ADAMTSL3: variants seen among roughly 807,000 people sequenced by gnomAD.
ADAMTSL3 encodes the protein ADAMTS-like protein 3.
A neutral mutation model predicts 201.7 loss-of-function variants in ADAMTSL3; 128 were observed. The ratio of observed to expected loss-of-function variants is 0.63; its 90% confidence interval spans 0.55 to 0.73. The LOEUF (loss-of-function observed/expected upper bound fraction) is 0.73, where lower values mean the gene tolerates loss of function less well. Ranked by LOEUF, ADAMTSL3 falls within the 30% of genes least tolerant of loss-of-function variation. The pLI is 0.00. For synonymous variants in ADAMTSL3, 738 were observed against 748.4 expected (o/e 0.99, Z 0.23); for missense variants, 1,990 against 2,119.6 (o/e 0.94, Z 1.20).
chr15:83,841,233 T>C (rs1470094253), intron 7 of ADAMTSL3, among the ~76,000 whole-genome samples: 1 of 152,264 alleles, frequency 6.6e-6, no homozygotes, highest in Non-Finnish European at 1.5e-5. Flanking sequence ...TATCATTTAA[T>C]TCTACCAGCA....
At chr15:83,960,031 A>G (rs1204662219) in intron 19 of ADAMTSL3, among the ~76,000 whole-genome samples, 2 of 152,228 alleles carry the variant, frequency 1.3e-5, no homozygotes, top group African/African-American at 4.8e-5. Flanking sequence ...AAAAGCTGAC[A>G]TTCATTTTTA....
At chr15:84,032,873 G>A (rs750391706) in intron 28 of ADAMTSL3, among the ~76,000 whole-genome samples, 2 of 152,146 alleles carry the variant, frequency 1.3e-5, no homozygotes, top group Admixed American at 6.5e-5. Flanking sequence ...TAATGGAATT[G>A]AATTGGTAGG....
At chr15:83,887,383 T>A (rs941915003) in intron 10 of ADAMTSL3, among the ~76,000 whole-genome samples, 1 of 152,226 alleles carries the variant, frequency 6.6e-6, no homozygotes, top group Non-Finnish European at 1.5e-5. Flanking sequence ...ATCTATCCCT[T>A]GTCACAAATA....
At chr15:83,928,490 C>T (rs1056312173) in intron 17 of ADAMTSL3, among the ~76,000 whole-genome samples, 7 of 152,018 alleles carry the variant, frequency 4.6e-5, no homozygotes, top group South Asian at 2.1e-4. Context: ...ACAGAGAAAA[C>T]GAAAATGATA....
chr15:83,894,788 T>A (rs1011479988), intron 13 of ADAMTSL3, among the ~76,000 whole-genome samples: 2 of 150,454 alleles, frequency 1.3e-5, no homozygotes, highest in African/African-American at 5.0e-5. Context: ...TCCTCTGAAT[T>A]GAGTTAATTT....
chr15:83,951,096 G>C (rs935539735), intron 19 of ADAMTSL3, among the ~76,000 whole-genome samples: 1 of 150,478 alleles, frequency 6.6e-6, no homozygotes, highest in African/African-American at 2.4e-5. Context: ...TCTTTTTCCA[G>C]ATATTACAGG....
intron 9 of ADAMTSL3, among the ~76,000 whole-genome samples, chr15:83,879,954 G>A (rs1275232908): frequency 2.0e-5 from 3 of 152,110 alleles, no homozygotes; most frequent in Non-Finnish European, 4.4e-5. Context: ...GCACTTTGAG[G>A]ATATCTCCCC....
chr15:84,013,605 C>G (rs190108499), intron 23 of ADAMTSL3, among the ~76,000 whole-genome samples: 3 of 152,136 alleles, frequency 2.0e-5, no homozygotes, highest in East Asian at 3.9e-4. Flanking sequence ...GAAACCCTGT[C>G]TTTACAAAAA....
chr15:84,035,124 A>T (rs1264406747), intron 28 of ADAMTSL3, among the ~76,000 whole-genome samples: 1 of 152,112 alleles, frequency 6.6e-6, no homozygotes, highest in Non-Finnish European at 1.5e-5. Flanking sequence ...GTTGGTCCAT[A>T]GCTCCCTGTG....
intron 8 of ADAMTSL3, among the ~76,000 whole-genome samples, chr15:83,860,755 G>A (rs967369764): frequency 6.6e-6 from 1 of 152,204 alleles, no homozygotes; most frequent in African/African-American, 2.4e-5. Flanking sequence ...TAGAAGACGG[G>A]TGATTTCTGC....
chr15:83,671,397 A>T (rs2141390434), intron 2 of ADAMTSL3, among the ~76,000 whole-genome samples: 1 of 152,332 alleles, frequency 6.6e-6, no homozygotes, highest in Non-Finnish European at 1.5e-5. Context: ...ATCAATATAA[A>T]ATACAAAAAG....
At chr15:83,906,070 G>A (rs2065826093) in intron 15 of ADAMTSL3, among the ~76,000 whole-genome samples, 1 of 151,110 alleles carries the variant, frequency 6.6e-6, no homozygotes, top group Non-Finnish European at 1.5e-5. Context: ...TACCCACTTT[G>A]GTTTTAAAAT....
intron 5 of ADAMTSL3, 23 bp from the exon 6 acceptor site, chr15:83,819,788 T>A (rs1363078552): frequency 6.3e-7 from 1 of 1,582,616 alleles, no homozygotes; most frequent in Non-Finnish European, 8.7e-7. Context: ...GATGTGCATG[T>A]GGCCTTTTCC....
intron 14 of ADAMTSL3, among the ~76,000 whole-genome samples, chr15:83,899,217 T>C (rs2065675491): frequency 6.6e-6 from 1 of 152,192 alleles, no homozygotes; most frequent in African/African-American, 2.4e-5. Flanking sequence ...ACAGACTCCT[T>C]CATCCCCCCT....
At chr15:83,790,432 A>G (rs1267283610) in intron 4 of ADAMTSL3, among the ~76,000 whole-genome samples, 1 of 151,794 alleles carries the variant, frequency 6.6e-6, no homozygotes, top group Non-Finnish European at 1.5e-5. Context: ...TCAGTATTTG[A>G]AAGTCAATCA....
rs1468997897 is a variant in ADAMTSL3, at chr15:84,038,955, A to C, written c.*1149A>C. 6.6e-6 allele frequency: 1 copy of C among 152,454 alleles called. No individual in the cohort carries two copies. The highest frequency in any genetic ancestry group is 6.5e-5 in the Admixed American group (1 of 15,276). 9.4% of individuals were successfully genotyped at this position (152,454 alleles called of 1,614,324 possible). A position where few individuals can be genotyped will look rare whatever the true frequency, so the allele number is the denominator to read the frequency against. ...TAAGGGTTAGGGTTAGGACCAGGTT[A>C]GGTCAGGGTTGGATTGGGTTTAGAT... On this transcript the variant is annotated 3_prime_UTR_variant, in exon 30 of 30. Coordinates refer to ENST00000286744, the MANE Select transcript of ADAMTSL3 (RefSeq NM_207517.3).
chr15:83,968,952 A>G (rs1235163527), intron 19 of ADAMTSL3, among the ~76,000 whole-genome samples: 1 of 152,148 alleles, frequency 6.6e-6, no homozygotes, highest in Non-Finnish European at 1.5e-5. Context: ...GAGTTGAACA[A>G]TGAGAACACA....
chr15:83,968,587 T>C (rs2067132638), intron 19 of ADAMTSL3, among the ~76,000 whole-genome samples: 1 of 152,202 alleles, frequency 6.6e-6, no homozygotes, highest in African/African-American at 2.4e-5. Flanking sequence ...GTTCAACCAT[T>C]GTGGAAGTCA....
chr15:83,690,358 A>G (rs1253542004), intron 2 of ADAMTSL3, among the ~76,000 whole-genome samples: 1 of 151,716 alleles, frequency 6.6e-6, no homozygotes, highest in Non-Finnish European at 1.5e-5. Flanking sequence ...TCTTCTCCCA[A>G]CTTCCCCCAC....
Sources: allele counts gnomAD v4.1 joint callset (sites outside exome capture counted in the v4.1 genomes callset), GRCh38; gene constraint gnomAD v4.1.1; transcripts MANE v1.5; gene names NCBI Gene and HGNC (gene_info 2026-07-23, HGNC 2026-07-21).